Variants in CACNG6 observed in about 807,000 individuals in gnomAD.
The protein encoded by CACNG6 is voltage-dependent calcium channel gamma-6 subunit.
Under a neutral mutation model 23.9 loss-of-function variants are expected in CACNG6, and 21 were observed. The observed-to-expected ratio is 0.88, with a 90% confidence interval of 0.62 to 1.26. The LOEUF is 1.26. Among genes scored for constraint, CACNG6 ranks in the 50% most tolerant of loss-of-function variants. The pLI, the probability that CACNG6 is intolerant of heterozygous loss-of-function variation, is 0.00. For missense variants in CACNG6, 340 were observed against 352.9 expected, an observed-to-expected ratio of 0.96 and a Z score of 0.29; for synonymous variants, 182 against 168.9, an observed-to-expected ratio of 1.08 and a Z score of -0.60.
chr19:54,007,686 C>T (rs2069662555), intron 3 of CACNG6, among the ~76,000 whole-genome samples: 1 of 151,714 alleles, frequency 6.6e-6, no homozygotes, highest in Non-Finnish European at 1.5e-5. Context: ...TGTTTGAGGC[C>T]AGGAGTTTGA....
rs762748167 is a variant in CACNG6, at chr19:54,011,934, T to C, written c.545-17T>C. ...GGGTCGCGGGCGTCTGACTGCGAGC[T>C]GTCCTCTCTCCCGCAGGCCTGCTGC... On this transcript the variant is annotated splice_polypyrimidine_tract_variant and intron_variant, in intron 3 of 3. Transcript: ENST00000252729. 1 of 1,454,094 alleles carries C rather than the reference T, an allele frequency of 6.9e-7. No homozygotes were observed. Among genetic ancestry groups the C allele is most frequent in the Non-Finnish European group, 9.1e-7 (1 of 1,098,162 alleles). 90.1% of individuals were successfully genotyped at this position (1,454,094 alleles called of 1,614,324 possible). A position where few individuals can be genotyped will look rare whatever the true frequency, so the allele number is the denominator to read the frequency against.
At chr19:54,008,922 C>T (rs1202656812) in intron 3 of CACNG6, among the ~76,000 whole-genome samples, 2 of 152,198 alleles carry the variant, frequency 1.3e-5, no homozygotes, top group Non-Finnish European at 2.9e-5. Context: ...CTTTGTTTGC[C>T]AGGCAGTGTG....
At chr19:54,008,953 C>T (rs1350742979) in intron 3 of CACNG6, among the ~76,000 whole-genome samples, 1 of 152,142 alleles carries the variant, frequency 6.6e-6, no homozygotes, top group African/African-American at 2.4e-5. Flanking sequence ...TTCGAGTTGA[C>T]GTTTAAAGGT....
At chr19:54,007,910 GAAA>G (rs5828566) in intron 3 of CACNG6, among the ~76,000 whole-genome samples, 7 of 138,566 alleles carry the variant, frequency 5.1e-5, no homozygotes, top group South Asian at 2.3e-4. Context: ...AAAGAGAAAA[GAAA>G]AAAAAAAAAG....
At chr19:54,011,324 C>G (rs2069710205) in intron 3 of CACNG6, among the ~76,000 whole-genome samples, 1 of 147,386 alleles carries the variant, frequency 6.8e-6, no homozygotes, top group East Asian at 2.0e-4. Context: ...CGCTTGAACC[C>G]CAGCTACTCG....
chr19:54,003,285 C>A (rs977110899), intron 3 of CACNG6, among the ~76,000 whole-genome samples: 1 of 152,126 alleles, frequency 6.6e-6, no homozygotes, highest in Non-Finnish European at 1.5e-5. Flanking sequence ...CTCCACGCTG[C>A]GAGAGTGTGG....
chr19:54,002,284 G>GT (rs139176353), intron 3 of CACNG6, among the ~76,000 whole-genome samples: 1,957 of 117,380 alleles, frequency 0.017, 43 homozygotes, highest in Non-Finnish European at 0.019. Flanking sequence ...TGTTTTTTTT[G>GT]TTTTTTTTTT....
At chr19:54,008,246 A>G (rs142758625) in intron 3 of CACNG6, among the ~76,000 whole-genome samples, 3,783 of 152,160 alleles carry the variant, frequency 0.025, 117 homozygotes, top group African/African-American at 0.065. Flanking sequence ...CCAGCTACTC[A>G]AGAGGCTGAG....
intron 1 of CACNG6, among the ~76,000 whole-genome samples, chr19:53,996,265 A>G (rs888241637): frequency 6.6e-6 from 1 of 152,136 alleles, no homozygotes; most frequent in African/African-American, 2.4e-5. Context: ...AGGTCAGGCT[A>G]GGTGAATTCT....
intron 3 of CACNG6, among the ~76,000 whole-genome samples, chr19:54,005,070 G>A (rs2069625553): frequency 6.6e-6 from 1 of 151,252 alleles, no homozygotes; most frequent in Non-Finnish European, 1.5e-5. Flanking sequence ...TCAGCCGGGC[G>A]TGGTGGCGGG....
intron 3 of CACNG6, among the ~76,000 whole-genome samples, chr19:54,000,314 G>A (rs1284530506): frequency 1.3e-5 from 2 of 152,134 alleles, no homozygotes; most frequent in Admixed American, 1.3e-4. Flanking sequence ...AGAGGTCAGG[G>A]AAGCCCAGGG....
chr19:54,002,254 C>G (rs1246734818), intron 3 of CACNG6, among the ~76,000 whole-genome samples: 1 of 147,700 alleles, frequency 6.8e-6, no homozygotes, highest in Non-Finnish European at 1.5e-5. Flanking sequence ...CCGCCAAGCC[C>G]GGCTAATTTT....
chr19:54,012,054 G>A lies in CACNG6; in HGVS notation c.648G>A (p.Glu216=). 2 of 1,607,106 alleles carry A rather than the reference G, an allele frequency of 1.2e-6. No individual in the cohort carries two copies. Among genetic ancestry groups the A allele is most frequent in the Non-Finnish European group, 8.5e-7 (1 of 1,177,460 alleles). ...CCCCGGCCCCACGCCTCACCTACGAGTACTCCTGGTCCCTGGGCTGCGGCG... is the reference window on the plus strand; with the variant it reads ...CCCCGGCCCCACGCCTCACCTACGAATACTCCTGGTCCCTGGGCTGCGGCG... The part of the protein sequence containing the change: ...EPPPAPRLTY[E]YSWSLGCGVG... The change falls in exon 4 of 4, where the codon GAG becomes GAA. Residue 216 remains glutamate (E), a synonymous_variant. Transcript: ENST00000252729.
At chr19:54,009,354 G>A (rs2069679567) in intron 3 of CACNG6, among the ~76,000 whole-genome samples, 1 of 151,326 alleles carries the variant, frequency 6.6e-6, no homozygotes, top group African/African-American at 2.4e-5. Context: ...TGGGGAGGTG[G>A]AGGTTGCAGT....
intron 3 of CACNG6, among the ~76,000 whole-genome samples, chr19:54,005,519 G>A (rs2069633662): frequency 6.6e-6 from 1 of 151,992 alleles, no homozygotes; most frequent in African/African-American, 2.4e-5. Context: ...ACTTTGGGAG[G>A]CTGAGGCGGG....
At chr19:54,009,459 A>C (rs984234662) in intron 3 of CACNG6, among the ~76,000 whole-genome samples, 1 of 151,644 alleles carries the variant, frequency 6.6e-6, no homozygotes, top group South Asian at 2.1e-4. Flanking sequence ...AAAAAAAAAA[A>C]AAAAAAAATT....
Position 54,012,486 on chromosome 19 carries a change from G to T in CACNG6, c.*297G>T. ...GGGTAGCTGGGGTGTGGGGTTGGGG[G>T]ATGAGGTCAGGGGGTCTTGGGTGGG... On this transcript the variant is annotated 3_prime_UTR_variant, in exon 4 of 4. Transcript: ENST00000252729. 2 of 155,062 alleles carry T rather than the reference G, an allele frequency of 1.3e-5. No individual in the cohort carries two copies. The highest frequency in any genetic ancestry group is 2.7e-5 in the Non-Finnish European group (2 of 73,386). The allele number at this position is 155,062 out of a possible 1,614,324, so 9.6% of individuals were successfully genotyped here.
chr19:54,001,274 C>T (rs1204778000), intron 3 of CACNG6, among the ~76,000 whole-genome samples: 7 of 151,844 alleles, frequency 4.6e-5, no homozygotes, highest in East Asian at 1.9e-4. Context: ...CTGCAACCTC[C>T]GCCTCTCAGG....
At chr19:53,999,592 A>G (rs200064430) in intron 2 of CACNG6, 42 bp from the exon 3 acceptor site, 6 of 1,602,908 alleles carry the variant, frequency 3.7e-6, no homozygotes, top group Admixed American at 1.7e-5. Context: ...CTCATTCCCT[A>G]CATCCCATGT....
Sources: gnomAD v4.1 joint callset for allele counts (sites outside exome capture counted in the v4.1 genomes callset) on GRCh38, gnomAD v4.1.1 for gene constraint, MANE v1.5 for transcripts, NCBI Gene and HGNC (gene_info 2026-07-23, HGNC 2026-07-21) for gene names.